Variants in CHST9 observed in about 807,000 individuals in gnomAD.
The protein encoded by CHST9 is carbohydrate sulfotransferase 9, also known as GalNAc-4-sulfotransferase 2.
CHST9 carries 41 observed loss-of-function variants against 44.4 expected under a neutral mutation model. That is an observed-to-expected ratio of 0.92 (90% CI 0.72 to 1.20). The LOEUF is 1.20. Among genes scored for constraint, CHST9 ranks in the 50% most tolerant of loss-of-function variants. The pLI is 0.00. For missense variants in CHST9, 504 were observed against 516.5 expected (o/e 0.98, Z 0.23); for synonymous variants, 171 against 178.4 (o/e 0.96, Z 0.33).
At chr18:27,118,028 A>C (rs543146181) in intron 2 of CHST9, among the ~76,000 whole-genome samples, 1 of 152,334 alleles carries the variant, frequency 6.6e-6, no homozygotes, top group Non-Finnish European at 1.5e-5. Flanking sequence ...AGACAGCTAC[A>C]ATTGTTCTAC....
intron 2 of CHST9, among the ~76,000 whole-genome samples, chr18:27,054,689 CT>C (rs748865229): frequency 3.9e-5 from 6 of 152,072 alleles, no homozygotes; most frequent in Non-Finnish European, 8.8e-5. Flanking sequence ...TGTTTCTGAT[CT>C]TTTAAAACCA....
chr18:27,144,983 CA>C (rs201336620), intron 1 of CHST9, among the ~76,000 whole-genome samples: 4 of 147,740 alleles, frequency 2.7e-5, no homozygotes, highest in East Asian at 2.0e-4. Context: ...GATCGTGTCT[CA>C]AAAAAAAATA....
chr18:26,937,067 G>A (rs1288760702), intron 5 of CHST9, among the ~76,000 whole-genome samples: 1 of 152,086 alleles, frequency 6.6e-6, no homozygotes, highest in Non-Finnish European at 1.5e-5. Flanking sequence ...GAAAATGAAG[G>A]TTTTTACTTC....
chr18:26,991,212 G>A (rs1160708097), intron 4 of CHST9, among the ~76,000 whole-genome samples: 1 of 152,178 alleles, frequency 6.6e-6, no homozygotes, highest in East Asian at 1.9e-4. Context: ...TTAGACCAGG[G>A]CAGTAGCAGC....
At chr18:27,143,874 A>C (rs1047369622) in intron 1 of CHST9, among the ~76,000 whole-genome samples, 1 of 152,186 alleles carries the variant, frequency 6.6e-6, no homozygotes, top group South Asian at 2.1e-4. Flanking sequence ...ACGGGTTGAT[A>C]GGTGCAGCAA....
At chr18:27,061,918 A>G (rs1455459569) in intron 2 of CHST9, among the ~76,000 whole-genome samples, 1 of 152,188 alleles carries the variant, frequency 6.6e-6, no homozygotes, top group Non-Finnish European at 1.5e-5. Flanking sequence ...GTCGAAACCC[A>G]TTGTACAACC....
intron 4 of CHST9, among the ~76,000 whole-genome samples, chr18:26,973,206 AAT>A (rs1162826869): frequency 6.6e-6 from 1 of 152,124 alleles, no homozygotes; most frequent in Non-Finnish European, 1.5e-5. Flanking sequence ...TAGTTTACCT[AAT>A]TCCTTTTCAA....
At chr18:27,167,669 A>G (rs2058801075) in intron 1 of CHST9, among the ~76,000 whole-genome samples, 3 of 152,240 alleles carry the variant, frequency 2.0e-5, no homozygotes, top group Admixed American at 2.0e-4. Context: ...ATATGATTAT[A>G]AAGTGTGACA....
At chr18:26,987,617 C>T (rs541466756) in intron 4 of CHST9, among the ~76,000 whole-genome samples, 43 of 152,178 alleles carry the variant, frequency 2.8e-4, no homozygotes, top group African/African-American at 9.6e-4. Context: ...TTATATTATA[C>T]ACCAAGTGGT....
At chr18:27,160,848 T>C (rs944187186) in intron 1 of CHST9, among the ~76,000 whole-genome samples, 6 of 152,232 alleles carry the variant, frequency 3.9e-5, no homozygotes, top group Non-Finnish European at 7.3e-5. Flanking sequence ...GGAGGTTGTA[T>C]GTGTCCAGGA....
chr18:26,917,194 T>C lies in CHST9; in HGVS notation c.397A>G (p.Ile133Val). ...GTCTTAGCTCCTTGACGTTTTTCAA[T>C]CAACTTCTCTGTTGGTGACCCTGTG... Reference protein sequence around the residue: ...KSTGSPTEKLIEKRQGAKTVF... With the variant: ...KSTGSPTEKLVEKRQGAKTVF... Residue 133 changes from isoleucine (I) to valine (V), a missense_variant, in exon 6 of 6, where the codon ATT becomes GTT. Transcript: ENST00000618847. 1 of 1,613,964 alleles carries C rather than the reference T, an allele frequency of 6.2e-7. No homozygotes were observed. The highest frequency in any genetic ancestry group is 8.5e-7 in the Non-Finnish European group (1 of 1,179,866).
intron 4 of CHST9, among the ~76,000 whole-genome samples, chr18:27,016,060 TCATCC>T (rs769867545): frequency 6.6e-6 from 1 of 152,230 alleles, no homozygotes; most frequent in Non-Finnish European, 1.5e-5. Context: ...CTGACCCTGC[TCATCC>T]CAGCCATGGG....
rs567113355 is a variant in CHST9, at chr18:27,020,120, G to A, written c.202+3996C>T. 4.6e-5 allele frequency among the ~76,000 whole-genome samples: 7 copies of A among 152,326 alleles called. No individual in the cohort carries two copies. The East Asian group carries it at 1.4e-3, about 29-fold the overall frequency. ...TCTGGCATGACACTAGGAGATTAAAGCACCTTGGAGAAAGGACTGATGTGC... is the reference window on the plus strand; with the variant it reads ...TCTGGCATGACACTAGGAGATTAAAACACCTTGGAGAAAGGACTGATGTGC... On this transcript the variant is annotated intron_variant, in intron 4 of 5. Transcript: ENST00000618847.
At chr18:27,119,640 T>C (rs1338938680) in intron 2 of CHST9, among the ~76,000 whole-genome samples, 2 of 142,456 alleles carry the variant, frequency 1.4e-5, no homozygotes, top group Non-Finnish European at 3.0e-5. Flanking sequence ...ACTTATCAGT[T>C]TTTTTGTTTT....
intron 2 of CHST9, among the ~76,000 whole-genome samples, chr18:27,052,374 T>C (rs910850126): frequency 2.0e-5 from 3 of 151,888 alleles, no homozygotes; most frequent in Admixed American, 2.0e-4. Flanking sequence ...ACACAAAACA[T>C]CAAATTAGAA....
At chr18:27,120,425 G>A (rs904985559) in intron 2 of CHST9, among the ~76,000 whole-genome samples, 3 of 152,054 alleles carry the variant, frequency 2.0e-5, no homozygotes, top group Non-Finnish European at 4.4e-5. Flanking sequence ...TGGACCCTCT[G>A]CCATTCTGCT....
At chr18:26,976,122 G>A (rs536305124) in intron 4 of CHST9, among the ~76,000 whole-genome samples, 1 of 152,032 alleles carries the variant, frequency 6.6e-6, no homozygotes, top group Non-Finnish European at 1.5e-5. Flanking sequence ...AGTGGGATAA[G>A]CAAAAGCTAC....
At chr18:27,177,206 A>G (rs775583381) in intron 1 of CHST9, among the ~76,000 whole-genome samples, 1 of 152,058 alleles carries the variant, frequency 6.6e-6, no homozygotes, top group Non-Finnish European at 1.5e-5. Flanking sequence ...TTTTTTAATA[A>G]CTTGAGAAAT....
rs185185510 is a variant in CHST9, at chr18:27,042,318, C to A, written c.160+6147G>T. The stretch of plus-strand genomic sequence containing the variant: ...AGCAGGGCAGTGCAAAATGACCAGG[C>A]TTTGCTATCACACAGACCTAGATCC... On this transcript the variant is annotated intron_variant, in intron 3 of 5. Transcript: ENST00000618847. 2.0e-5 allele frequency among the ~76,000 whole-genome samples: 3 copies of A among 152,202 alleles called. No individual in the cohort carries two copies. In the East Asian group the frequency reaches 5.8e-4, roughly 29 times the overall value.
Sources: allele counts gnomAD v4.1 joint callset (sites outside exome capture counted in the v4.1 genomes callset), GRCh38; gene constraint gnomAD v4.1.1; transcripts MANE v1.5; gene names NCBI Gene and HGNC (gene_info 2026-07-23, HGNC 2026-07-21).